The following KIRREL3 variants were observed in gnomAD, a reference collection of about 807,000 sequenced individuals.
KIRREL3 encodes kin of IRRE-like protein 3.
A neutral mutation model predicts 89.7 loss-of-function variants in KIRREL3; 36 were observed. That is an observed-to-expected ratio of 0.40 (90% CI 0.31 to 0.53). The LOEUF is 0.53. KIRREL3 is among the 20% of genes least tolerant of loss of function. The pLI is 0.49. For synonymous variants in KIRREL3, 445 were observed against 441.4 expected, an observed-to-expected ratio of 1.01 and a Z score of -0.10; for missense variants, 864 against 1,056.6, an observed-to-expected ratio of 0.82 and a Z score of 2.53.
In KIRREL3 at chr11:126,780,814, A is replaced by G. The variant is rs1230290323; in HGVS notation, c.56-217902T>C. Among the ~76,000 whole-genome samples the G allele has an allele frequency of 2.0e-5, 3 of 152,236 alleles. No homozygotes were observed. The highest frequency in any genetic ancestry group is 7.2e-5 in the African/African-American group (3 of 41,472). On this transcript the variant is annotated intron_variant, in intron 1 of 16. Transcript: ENST00000525144. The surrounding 1 kb of genome is among the most constrained non-coding windows in gnomAD (Gnocchi z 5.3). Reference sequence around the variant, plus strand: ...TATATGGAGCTTTAAATATGCATCAAAAACACCACACAGCAGGGAGGCTTC... The same window carrying G: ...TATATGGAGCTTTAAATATGCATCAGAAACACCACACAGCAGGGAGGCTTC...
intron 1 of KIRREL3, among the ~76,000 whole-genome samples, chr11:126,907,510 G>T (rs1036540365): frequency 6.6e-6 from 1 of 152,168 alleles, no homozygotes; most frequent in Admixed American, 6.5e-5. Context: ...CAGGCAAAGA[G>T]ACTTTTTGCT....
chr11:126,688,053 C>T (rs1229546154), intron 1 of KIRREL3, among the ~76,000 whole-genome samples: 1 of 152,268 alleles, frequency 6.6e-6, no homozygotes, highest in Non-Finnish European at 1.5e-5. Flanking sequence ...AGGAACGACT[C>T]CTGCCTCTGC....
chr11:126,982,169 T>C (rs1204584657), intron 1 of KIRREL3, among the ~76,000 whole-genome samples: 1 of 152,194 alleles, frequency 6.6e-6, no homozygotes, highest in Non-Finnish European at 1.5e-5. Flanking sequence ...GGCTGAACAT[T>C]TGAGAAACCT....
chr11:126,557,992 G>A lies in KIRREL3; in HGVS notation c.133+4843C>T, dbSNP rs1939828335. ...GTATTTCGTCCTGAAAGATGAAAGG[G>A]ACAGCACCCAGAGGCATTTCTGCTC... is the stretch of plus-strand genomic sequence containing the variant. On this transcript the variant is annotated intron_variant, in intron 2 of 16. Coordinates refer to ENST00000525144, the MANE Select transcript of KIRREL3 (RefSeq NM_032531.4). The surrounding 1 kb of genome is among the most constrained non-coding windows in gnomAD (Gnocchi z 5.6). Among the ~76,000 whole-genome samples, 1 of 152,224 alleles carries A rather than the reference G, an allele frequency of 6.6e-6. No homozygotes were observed. Among genetic ancestry groups the A allele is most frequent in the Non-Finnish European group, 1.5e-5 (1 of 68,038 alleles).
intron 1 of KIRREL3, among the ~76,000 whole-genome samples, chr11:126,829,687 T>A (rs1443957105): frequency 6.6e-6 from 1 of 152,172 alleles, no homozygotes; most frequent in Non-Finnish European, 1.5e-5. Context: ...GGACCAAGCA[T>A]AGGGACTATA....
rs1458612261 is a variant in KIRREL3 at position 126,668,398 on chromosome 11, G to A, written c.56-105486C>T. Among the ~76,000 whole-genome samples, 1 of 152,132 alleles carries A rather than the reference G, an allele frequency of 6.6e-6. No homozygotes were observed. The highest frequency in any genetic ancestry group is 1.9e-4 in the East Asian group (1 of 5,184). ...TGAGAATTTTAGCTTATGAATTTGG[G>A]GGAATATAACCATTCAGAATAAAAC... On this transcript the variant is annotated intron_variant, in intron 1 of 16. Coordinates refer to ENST00000525144, the MANE Select transcript of KIRREL3 (RefSeq NM_032531.4). This position sits in a 1 kb window ranked among gnomAD's most constrained non-coding sequence, Gnocchi z 4.4.
In KIRREL3 at chr11:126,883,507, C is replaced by T. The variant is rs574577502; in HGVS notation, c.55+116948G>A. Among the ~76,000 whole-genome samples the T allele has an allele frequency of 2.6e-5, 4 of 152,214 alleles. No individual in the cohort carries two copies. Among genetic ancestry groups the T allele is most frequent in the South Asian group, 2.1e-4 (1 of 4,822 alleles). Reference sequence around the variant, plus strand: ...CTCATGCTGGCAACTCTGCTTGAAACGTCCTTAACTCATCTTCTCCACCTG... The same window carrying T: ...CTCATGCTGGCAACTCTGCTTGAAATGTCCTTAACTCATCTTCTCCACCTG... On this transcript the variant is annotated intron_variant, in intron 1 of 16. Coordinates refer to ENST00000525144, the MANE Select transcript of KIRREL3 (RefSeq NM_032531.4). This position sits in a 1 kb window ranked among gnomAD's most constrained non-coding sequence, Gnocchi z 4.1.
chr11:126,478,288 A>G (rs1957122147), intron 4 of KIRREL3, among the ~76,000 whole-genome samples: 1 of 152,216 alleles, frequency 6.6e-6, no homozygotes, highest in Non-Finnish European at 1.5e-5. Flanking sequence ...TTTCTGGATC[A>G]CTGGGTTCAT....
Position 126,742,140 on chromosome 11 carries a change from T to A in KIRREL3, c.56-179228A>T, listed in dbSNP as rs576790189. On this transcript the variant is annotated intron_variant, in intron 1 of 16. Coordinates refer to ENST00000525144, the MANE Select transcript of KIRREL3 (RefSeq NM_032531.4). This position sits in a 1 kb window ranked among gnomAD's most constrained non-coding sequence, Gnocchi z 5.3. The stretch of plus-strand genomic sequence containing the variant: ...CTTCCAGAATGCAACCTTAATCTTG[T>A]TCATTTGCATAAGCTTTAAAATAAG... Among the ~76,000 whole-genome samples, 1 of 152,364 alleles carries A rather than the reference T, an allele frequency of 6.6e-6. No individual in the cohort carries two copies. Among genetic ancestry groups the A allele is most frequent in the East Asian group, 1.9e-4 (1 of 5,190 alleles).
In KIRREL3 at chr11:126,755,476, C is replaced by T. The variant is rs754119125; in HGVS notation, c.56-192564G>A. Among the ~76,000 whole-genome samples, 1 of 152,054 alleles carries T rather than the reference C, an allele frequency of 6.6e-6. No individual in the cohort carries two copies. Among genetic ancestry groups the T allele is most frequent in the Admixed American group, 6.6e-5 (1 of 15,254 alleles). The stretch of plus-strand genomic sequence containing the variant: ...TACTACTCTGATGCGAAATGAGAAC[C>T]GGACTGGATAAAGCCACCTCTTCCC... On this transcript the variant is annotated intron_variant, in intron 1 of 16. Coordinates refer to ENST00000525144, the MANE Select transcript of KIRREL3 (RefSeq NM_032531.4). This position sits in a 1 kb window ranked among gnomAD's most constrained non-coding sequence, Gnocchi z 4.3.
rs1957299205 is a variant in KIRREL3, at chr11:126,484,505, T to C, written c.434-11039A>G. ...AACAGCCACAAAGTAGTCAAGTTAC[T>C]TGCCCAACATCACATAGCTAGTAAG... On this transcript the variant is annotated intron_variant, in intron 4 of 16. Transcript: ENST00000525144. This position sits in a 1 kb window ranked among gnomAD's most constrained non-coding sequence, Gnocchi z 5.2. Among the ~76,000 whole-genome samples the C allele has an allele frequency of 6.6e-6, 1 of 152,240 alleles. No homozygotes were observed. The highest frequency in any genetic ancestry group is 1.5e-5 in the Non-Finnish European group (1 of 68,046).
chr11:126,698,820 C>G (rs917219914), intron 1 of KIRREL3, among the ~76,000 whole-genome samples: 1 of 152,230 alleles, frequency 6.6e-6, no homozygotes, highest in Non-Finnish European at 1.5e-5. Context: ...CCAGAGAAGA[C>G]AGGTGGCCTC....
At chr11:126,967,760 C>T (rs1347294538) in intron 1 of KIRREL3, among the ~76,000 whole-genome samples, 1 of 152,082 alleles carries the variant, frequency 6.6e-6, no homozygotes, top group East Asian at 1.9e-4. Context: ...TTCTCCCACT[C>T]CCTCCCTGGG....
intron 1 of KIRREL3, among the ~76,000 whole-genome samples, chr11:126,932,256 G>A (rs913422745): frequency 1.3e-5 from 2 of 152,124 alleles, no homozygotes; most frequent in African/African-American, 4.8e-5. Flanking sequence ...GGAAGAGGAG[G>A]GCCCTATTTC....
chr11:126,617,463 T>C (rs1455934519), intron 1 of KIRREL3, among the ~76,000 whole-genome samples: 2 of 152,250 alleles, frequency 1.3e-5, no homozygotes, highest in African/African-American at 4.8e-5. Context: ...TCAAAGTTTA[T>C]ACTTATCTAC....
chr11:126,647,542 C>G lies in KIRREL3; in HGVS notation c.56-84630G>C, dbSNP rs191519919. ...ATCAGGCACCTTTTAGTGTAAGGTA[C>G]TCTGCTGGGAGCCCAAAAGTTTACA... On this transcript the variant is annotated intron_variant, in intron 1 of 16. Transcript: ENST00000525144. This position sits in a 1 kb window ranked among gnomAD's most constrained non-coding sequence, Gnocchi z 4.9. Among the ~76,000 whole-genome samples, 46 of 152,302 alleles carry G rather than the reference C, an allele frequency of 3.0e-4. 2 individuals are homozygous for G. The highest frequency in any genetic ancestry group is 1.0e-3 in the African/African-American group (42 of 41,562).
chr11:126,897,491 C>A lies in KIRREL3; in HGVS notation c.55+102964G>T, dbSNP rs1032177805. Among the ~76,000 whole-genome samples the A allele has an allele frequency of 1.3e-5, 2 of 152,170 alleles. No homozygotes were observed. The highest frequency in any genetic ancestry group is 4.8e-5 in the African/African-American group (2 of 41,432). On this transcript the variant is annotated intron_variant, in intron 1 of 16. Coordinates refer to ENST00000525144, the MANE Select transcript of KIRREL3 (RefSeq NM_032531.4). This position sits in a 1 kb window ranked among gnomAD's most constrained non-coding sequence, Gnocchi z 4.2. ...TGGACCTTTGTCACTCACCTGTCAA[C>A]CCCATCTAACACCACCCCCAAAAGG... is the stretch of plus-strand genomic sequence containing the variant.
In KIRREL3 at chr11:126,729,961, C is replaced by T. The variant is rs114186568; in HGVS notation, c.56-167049G>A. Among the ~76,000 whole-genome samples, 3,373 of 152,240 alleles carry T rather than the reference C, an allele frequency of 0.022. 123 individuals are homozygous for T. Among genetic ancestry groups the T allele is most frequent in the African/African-American group, 0.076 (3,175 of 41,512 alleles). On this transcript the variant is annotated intron_variant, in intron 1 of 16. Transcript: ENST00000525144. The surrounding 1 kb of genome is among the most constrained non-coding windows in gnomAD (Gnocchi z 4.5). Reference sequence around the variant, plus strand: ...ATTTCTGTGACATTTGGCTCTGTGACGGCTTCCTTCTTCAGGAAACTCTTT... The same window carrying T: ...ATTTCTGTGACATTTGGCTCTGTGATGGCTTCCTTCTTCAGGAAACTCTTT...
chr11:126,560,518 T>C (rs1940041442), intron 2 of KIRREL3, among the ~76,000 whole-genome samples: 2 of 152,236 alleles, frequency 1.3e-5, no homozygotes, highest in Admixed American at 1.3e-4. Flanking sequence ...AAAGCTCCTG[T>C]TCATTCATTA....
Sources: allele counts gnomAD v4.1 joint callset (sites outside exome capture counted in the v4.1 genomes callset), GRCh38; gene constraint gnomAD v4.1.1; non-coding constraint Gnocchi (gnomAD v3.1); transcripts MANE v1.5; gene names NCBI Gene and HGNC (gene_info 2026-07-23, HGNC 2026-07-21).